Variants in ALDH5A1 observed in about 807,000 individuals in gnomAD.
The protein encoded by ALDH5A1 is aldehyde dehydrogenase 5 family member A1, also known as succinate-semialdehyde dehydrogenase, mitochondrial.
Under a neutral mutation model 54.7 loss-of-function variants are expected in ALDH5A1, and 33 were observed. The observed-to-expected ratio is 0.60, with a 90% CI of 0.46 to 0.81. The LOEUF is 0.81. Among genes scored for constraint, ALDH5A1 ranks in the 30% least tolerant of loss-of-function variants. The pLI is 0.00. For synonymous variants in ALDH5A1, 294 were observed against 292.7 expected (o/e 1.00, Z -0.05); for missense variants, 657 against 711.0 (o/e 0.92, Z 0.86).
intron 6 of ALDH5A1, chr6:24,522,566 A>G: frequency 1.9e-6 from 1 of 522,612 alleles, no homozygotes; most frequent in Non-Finnish European, 3.5e-6. Context: ...GCAGCTGTGG[A>G]GGGAACTGGA....
chr6:24,526,144 A>G (rs1759794314), intron 7 of ALDH5A1, among the ~76,000 whole-genome samples: 2 of 152,156 alleles, frequency 1.3e-5, no homozygotes, highest in Admixed American at 1.3e-4. Context: ...CAAATTGATC[A>G]ACCCAGTCCT....
In ALDH5A1 at chr6:24,515,319, C is replaced by T. The variant is rs1314010241; in HGVS notation, c.870+9C>T. ...CAACAACTACAGGAAAGGTATGTGA[C>T]TCAAGTTTCAAAGAAAACAAATGTC... On this transcript the variant is annotated intron_variant, in intron 5 of 9. Transcript: ENST00000357578. 6.2e-7 allele frequency: 1 copy of T among 1,613,584 alleles called. No individual in the cohort carries two copies. The highest frequency in any genetic ancestry group is 1.7e-5 in the Admixed American group (1 of 60,006).
chr6:24,533,476 A>AT, intron 9 of ALDH5A1, 31 bp from the exon 10 acceptor site: 1 of 1,609,648 alleles, frequency 6.2e-7, no homozygotes, highest in Non-Finnish European at 8.5e-7. Context: ...ACTCTTCTAA[A>AT]TGCCATATAT....
intron 1 of ALDH5A1, among the ~76,000 whole-genome samples, chr6:24,498,573 C>T (rs139407365): frequency 1.6e-3 from 251 of 152,336 alleles, no homozygotes; most frequent in African/African-American, 5.8e-3. Context: ...TCAGATCACA[C>T]CGCCCATCCT....
In ALDH5A1 at chr6:24,535,883, A is replaced by C. The variant is rs1371019504; in HGVS notation, c.*2171A>C. The C allele has an allele frequency of 6.6e-6, 1 of 152,260 alleles. No homozygotes were observed. The highest frequency in any genetic ancestry group is 1.9e-4 in the East Asian group (1 of 5,206). The allele number at this position is 152,260 out of a possible 1,614,324, so 9.4% of individuals were successfully genotyped here. A position where few individuals can be genotyped will look rare whatever the true frequency, so the allele number is the denominator to read the frequency against. On this transcript the variant is annotated 3_prime_UTR_variant, in exon 10 of 10. Coordinates refer to ENST00000357578, the MANE Select transcript of ALDH5A1 (RefSeq NM_001080.3). ...GGATTACCGATGCTGAGATGTGTGC[A>C]GGAATACTTCCAAATAAATTTTTAA...
Position 24,502,505 on chromosome 6 carries a change from T to A in ALDH5A1, c.355-18T>A, listed in dbSNP as rs1049559545. Reference sequence around the variant, plus strand: ...CTTGGCATTTTATTACTTTTCTGCCTTGTTATTTCTTTTGCAGGAGAGGAG... The same window carrying A: ...CTTGGCATTTTATTACTTTTCTGCCATGTTATTTCTTTTGCAGGAGAGGAG... On this transcript the variant is annotated intron_variant, in intron 1 of 9. Coordinates refer to ENST00000357578, the MANE Select transcript of ALDH5A1 (RefSeq NM_001080.3). 6.3e-7 allele frequency: 1 copy of A among 1,578,128 alleles called. No individual in the cohort carries two copies. The highest frequency in any genetic ancestry group is 8.7e-7 in the Non-Finnish European group (1 of 1,147,508).
chr6:24,514,433 C>T (rs996479373), intron 4 of ALDH5A1, among the ~76,000 whole-genome samples: 5 of 152,102 alleles, frequency 3.3e-5, no homozygotes, highest in Non-Finnish European at 7.3e-5. Flanking sequence ...TTTGAACAGA[C>T]CGTGGCATTG....
chr6:24,525,999 G>A (rs1270841953), intron 7 of ALDH5A1, among the ~76,000 whole-genome samples: 1 of 152,092 alleles, frequency 6.6e-6, no homozygotes, highest in African/African-American at 2.4e-5. Context: ...ACAGCTTCAA[G>A]AGCGAGGCTA....
Position 24,511,732 on chromosome 6 carries a change from CTTTTTT to C in ALDH5A1, c.727-3425_727-3420del, listed in dbSNP as rs76040572. The C allele has an allele frequency of 6.8e-5, 24 of 350,696 alleles. No individual in the cohort carries two copies. The South Asian group carries it at 1.9e-3, about 28-fold the overall frequency. The allele number at this position is 350,696 out of a possible 1,614,324, so 21.7% of individuals were successfully genotyped here. ...AAACTTCTCCCCTTATTTCTTGTAT[CTTTTTT>C]TTTTTTTTTGTGACTTCCTTAAATT... is the stretch of plus-strand genomic sequence containing the variant. On this transcript the variant is annotated intron_variant, in intron 4 of 9. Transcript: ENST00000357578.
At chr6:24,499,115 A>G (rs987708158) in intron 1 of ALDH5A1, among the ~76,000 whole-genome samples, 3 of 151,138 alleles carry the variant, frequency 2.0e-5, no homozygotes, top group East Asian at 1.9e-4. Flanking sequence ...AAAAAAAAAA[A>G]AAAAGAAAAA....
rs750453062 is a variant in ALDH5A1 at position 24,522,733 on chromosome 6, A to G, written c.1015-34A>G. On this transcript the variant is annotated intron_variant, in intron 6 of 9. Coordinates refer to ENST00000357578, the MANE Select transcript of ALDH5A1 (RefSeq NM_001080.3). ...ACTGGTCAGGTCTGCAGCTTCTGAC[A>G]GACTGTGTGGGTTTGTTTTTGTCTC... 12 of 1,612,422 alleles carry G rather than the reference A, an allele frequency of 7.4e-6. No homozygotes were observed. In the East Asian group the frequency reaches 2.7e-4, roughly 36 times the overall value.
intron 3 of ALDH5A1, 37 bp downstream of exon 3, chr6:24,503,470 A>G (rs1207250205): frequency 3.7e-6 from 6 of 1,604,480 alleles, no homozygotes; most frequent in Non-Finnish European, 5.1e-6. Context: ...AGGGTGGGAG[A>G]TTGGATAGGG....
Position 24,494,979 on chromosome 6 carries a change from G to C in ALDH5A1, c.-18G>C. ...CGCGCCCGCTTGCCTGTTTCCTGTC[G>C]CCGTCGTTGCCCGGGCCATGGCGAC... On this transcript the variant is annotated 5_prime_UTR_variant, in exon 1 of 10. Coordinates refer to ENST00000357578, the MANE Select transcript of ALDH5A1 (RefSeq NM_001080.3). 7.6e-7 allele frequency: 1 copy of C among 1,310,808 alleles called. No homozygotes were observed. The highest frequency in any genetic ancestry group is 9.7e-7 in the Non-Finnish European group (1 of 1,030,774). The allele number at this position is 1,310,808 out of a possible 1,614,324, so 81.2% of individuals were successfully genotyped here. A position where few individuals can be genotyped will look rare whatever the true frequency, so the allele number is the denominator to read the frequency against.
At chr6:24,529,670 G>GCTT (rs1759890109) in intron 8 of ALDH5A1, among the ~76,000 whole-genome samples, 1 of 86,328 alleles carries the variant, frequency 1.2e-5, no homozygotes, top group African/African-American at 4.5e-5. Flanking sequence ...TTTGGTTTGG[G>GCTT]TTTTTTTTTT....
intron 7 of ALDH5A1, among the ~76,000 whole-genome samples, chr6:24,523,255 A>G (rs1759738576): frequency 6.6e-6 from 1 of 152,158 alleles, no homozygotes; most frequent in Non-Finnish European, 1.5e-5. Context: ...ACATCTATAC[A>G]TGGAATCGAA....
Position 24,528,703 on chromosome 6 carries a change from T to C in ALDH5A1, c.1343+537T>C, listed in dbSNP as rs545285326. Among the ~76,000 whole-genome samples the C allele has an allele frequency of 4.5e-5, 6 of 134,158 alleles. No homozygotes were observed. In the East Asian group the frequency reaches 1.2e-3, roughly 27 times the overall value. 88.0% of individuals were successfully genotyped at this position (134,158 alleles called of 152,430 possible). On this transcript the variant is annotated intron_variant, in intron 8 of 9. Transcript: ENST00000357578. The stretch of plus-strand genomic sequence containing the variant: ...CTTTTTCTTACTTTCTGCTGAACTC[T>C]TTTTTTTTTTTTTCTTGAGATGGAG...
chr6:24,532,903 G>C (rs1375740744), intron 9 of ALDH5A1, among the ~76,000 whole-genome samples: 1 of 152,134 alleles, frequency 6.6e-6, no homozygotes, highest in African/African-American at 2.4e-5. Flanking sequence ...TTCAGCATTT[G>C]TCTCTTCCTT....
intron 4 of ALDH5A1, among the ~76,000 whole-genome samples, chr6:24,513,613 C>T (rs1175248925): frequency 6.9e-6 from 1 of 145,684 alleles, no homozygotes; most frequent in African/African-American, 2.5e-5. Context: ...CACACGGCTC[C>T]CAGGGGCTGG....
chr6:24,495,394 C>T lies in ALDH5A1; in HGVS notation c.354+44C>T, dbSNP rs772059374. 2.0e-6 allele frequency: 3 copies of T among 1,520,240 alleles called. No individual in the cohort carries two copies. The South Asian group carries it at 3.6e-5, about 18-fold the overall frequency. The allele number at this position is 1,520,240 out of a possible 1,614,324, so 94.2% of individuals were successfully genotyped here. On this transcript the variant is annotated intron_variant, in intron 1 of 9. Coordinates refer to ENST00000357578, the MANE Select transcript of ALDH5A1 (RefSeq NM_001080.3). Reference sequence around the variant, plus strand: ...AGGGGGCCAGAGCTGGCCGGGGACACGGCGGGGAGCAGAGGGGGCTTTACC... The same window carrying T: ...AGGGGGCCAGAGCTGGCCGGGGACATGGCGGGGAGCAGAGGGGGCTTTACC...
Sources: gnomAD v4.1 joint callset for allele counts (sites outside exome capture counted in the v4.1 genomes callset) on GRCh38, gnomAD v4.1.1 for gene constraint, MANE v1.5 for transcripts, NCBI Gene and HGNC (gene_info 2026-07-23, HGNC 2026-07-21) for gene names.